PMM2: variants seen among roughly 807,000 people sequenced by gnomAD.
PMM2 encodes the protein phosphomannomutase 2, also known as mannose-6-phosphate isomerase.
Under a neutral mutation model 33.2 loss-of-function variants are expected in PMM2, and 35 were observed. That is an observed-to-expected ratio of 1.06 (90% CI 0.81 to 1.40). The LOEUF is 1.40. PMM2 is among the 40% of genes most tolerant of loss of function. The probability of loss-of-function intolerance (pLI) is 0.00; values close to 1 mark genes in which losing one functional copy is unlikely to be tolerated. For missense variants in PMM2, 386 were observed against 306.0 expected, an observed-to-expected ratio of 1.26 and a Z score of -1.95; for synonymous variants, 153 against 114.7, an observed-to-expected ratio of 1.33 and a Z score of -2.13.
intron 7 of PMM2, among the ~76,000 whole-genome samples, chr16:8,843,126 G>T (rs2060901254): frequency 6.6e-6 from 1 of 152,158 alleles, no homozygotes; most frequent in Admixed American, 6.5e-5. Flanking sequence ...TAATGTCTAA[G>T]TTGGCACCAG....
chr16:8,827,882 AATATATGATATATATG>A (rs1302792505), intron 7 of PMM2, among the ~76,000 whole-genome samples: 1 of 105,838 alleles, frequency 9.4e-6, no homozygotes, highest in Admixed American at 1.1e-4. Flanking sequence ...TATGTTATAT[AATATATGATATATATG>A]ATATATATTA....
At chr16:8,800,665 C>CTTTTTTTTTTTT (rs35148703) in intron 1 of PMM2, among the ~76,000 whole-genome samples, 1 of 126,642 alleles carries the variant, frequency 7.9e-6, no homozygotes. Flanking sequence ...TAAGCTTCTC[C>CTTTTTTTTTTTT]TTTTTTTTTT....
chr16:8,806,738 C>CTT (rs2060650552), intron 4 of PMM2: 1 of 348,512 alleles, frequency 2.9e-6, no homozygotes, highest in African/African-American at 2.1e-5. Flanking sequence ...AGAATGATTA[C>CTT]GTAAATGATG....
At chr16:8,832,446 C>T (rs1277625629) in intron 7 of PMM2, 1 of 985,296 alleles carries the variant, frequency 1.0e-6, no homozygotes, top group Non-Finnish European at 1.2e-6. Flanking sequence ...TCCACAGACA[C>T]CTCCCCACCA....
At chr16:8,840,860 A>T (rs926671593) in intron 7 of PMM2, among the ~76,000 whole-genome samples, 4 of 151,936 alleles carry the variant, frequency 2.6e-5, no homozygotes, top group African/African-American at 9.7e-5. Context: ...GTGTCTTCAT[A>T]TGGCTGGGGA....
At chr16:8,819,952 T>A (rs2060728645) in intron 7 of PMM2, among the ~76,000 whole-genome samples, 1 of 152,208 alleles carries the variant, frequency 6.6e-6, no homozygotes, top group African/African-American at 2.4e-5. Context: ...TCTAACATGC[T>A]ACCTGCCTTC....
In PMM2 at chr16:8,848,113, T is replaced by A; in HGVS notation, c.*288T>A. 1 of 410,754 alleles carries A rather than the reference T, an allele frequency of 2.4e-6. No homozygotes were observed. Among genetic ancestry groups the A allele is most frequent in the South Asian group, 2.3e-5 (1 of 42,572 alleles). 25.4% of individuals were successfully genotyped at this position (410,754 alleles called of 1,614,324 possible). A position where few individuals can be genotyped will look rare whatever the true frequency, so the allele number is the denominator to read the frequency against. On this transcript the variant is annotated 3_prime_UTR_variant, in exon 8 of 8. Transcript: ENST00000268261. ...ACCCACCCTGATACGTGCAATCATG[T>A]AGTTTTGGCGGAAATTTCCCCATCA...
rs762937296 is a variant in PMM2, at chr16:8,811,637, G to A, written c.448-1G>A. On this transcript the variant is annotated splice_acceptor_variant, in intron 5 of 7. Transcript: ENST00000268261. LOFTEE classifies it high-confidence loss of function. ...AATTGGTATCTTTTTGTTTTTCTCA[G>A]AAAGAAAATATAAGACAAAAGTTTG... 5.6e-6 allele frequency: 9 copies of A among 1,606,490 alleles called. No homozygotes were observed. The highest frequency in any genetic ancestry group is 1.1e-5 in the South Asian group (1 of 90,914).
At chr16:8,837,305 C>T (rs376333869) in intron 7 of PMM2, among the ~76,000 whole-genome samples, 4 of 151,898 alleles carry the variant, frequency 2.6e-5, no homozygotes, top group East Asian at 3.8e-4. Flanking sequence ...CTGAAAGTGC[C>T]GTTTTCTGGC....
intron 7 of PMM2, among the ~76,000 whole-genome samples, chr16:8,815,214 C>T (rs930169842): frequency 1.6e-5 from 2 of 128,594 alleles, no homozygotes; most frequent in Non-Finnish European, 3.4e-5. Context: ...ACTATATTTT[C>T]TTTCTTTTTT....
At position 8,842,879 on chromosome 16, in the gene PMM2, G is replaced by GT. The variant is rs201736012; in HGVS notation, c.640-4844dup. 8.5e-3 allele frequency among the ~76,000 whole-genome samples: 1,299 copies of GT among 152,246 alleles called. 16 individuals carry two copies. The highest frequency in any genetic ancestry group is 0.029 in the African/African-American group (1,193 of 41,522). On this transcript the variant is annotated intron_variant, in intron 7 of 7. Coordinates refer to ENST00000268261, the MANE Select transcript of PMM2 (RefSeq NM_000303.3). ...AGGGTGATTAGGTTTTAATGGGATG[G>GT]TAATGGGCATGTGATCAGTTGTCAG...
intron 4 of PMM2, chr16:8,808,199 C>G (rs1051595605): frequency 3.3e-5 from 5 of 152,284 alleles, no homozygotes; most frequent in African/African-American, 1.2e-4. Flanking sequence ...CTGCATGAGA[C>G]AGGCTGGACA....
chr16:8,839,902 A>G (rs1018943640), intron 7 of PMM2, among the ~76,000 whole-genome samples: 3 of 110,684 alleles, frequency 2.7e-5, no homozygotes, highest in African/African-American at 6.9e-5. Flanking sequence ...GGTTTTTTAA[A>G]TAAGTGTGAA....
intron 7 of PMM2, chr16:8,832,643 A>T (rs1009864571): frequency 1.0e-6 from 1 of 985,332 alleles, no homozygotes; most frequent in Middle Eastern, 5.2e-4. Flanking sequence ...GGAGCCTCCT[A>T]ACTGCTCCCT....
Position 8,847,753 on chromosome 16 carries a change from C to T in PMM2, c.669C>T (p.Asp223=), listed in dbSNP as rs104894531. 6.2e-7 allele frequency: 1 copy of T among 1,613,868 alleles called. No individual in the cohort carries two copies. The highest frequency in any genetic ancestry group is 1.1e-5 in the South Asian group (1 of 91,080). Reference sequence around the variant, plus strand: ...GCAATGACCATGAGATCTTCACAGACCCCAGAACCATGGGCTACTCCGTGA... The same window carrying T: ...GCAATGACCATGAGATCTTCACAGATCCCAGAACCATGGGCTACTCCGTGA... The part of the protein sequence containing the change: ...PGGNDHEIFT[D]PRTMGYSVTA... The change falls in exon 8 of 8, where the codon GAC becomes GAT. Residue 223 remains aspartate (D), a synonymous_variant. Transcript: ENST00000268261.
intron 7 of PMM2, among the ~76,000 whole-genome samples, chr16:8,840,395 C>G (rs143285586): frequency 0.015 from 2,304 of 151,868 alleles, 74 homozygotes; most frequent in African/African-American, 0.053. Flanking sequence ...ACAGTGTAAA[C>G]CGGCCGTGTA....
At chr16:8,806,267 T>C (rs2060647108) in intron 3 of PMM2, 49 bp from the exon 4 acceptor site, 1 of 1,266,532 alleles carries the variant, frequency 7.9e-7, no homozygotes. Flanking sequence ...GAAGCTGTTT[T>C]GAAAATGCTC....
intron 7 of PMM2, 169 bp from the exon 8 acceptor site, chr16:8,847,555 A>G (rs2060935421): frequency 1.6e-6 from 1 of 629,998 alleles, no homozygotes; most frequent in African/African-American, 1.8e-5. Flanking sequence ...CTTCTTAATA[A>G]CAATTGTACT....
At chr16:8,822,668 T>A (rs919038934) in intron 7 of PMM2, among the ~76,000 whole-genome samples, 2 of 152,148 alleles carry the variant, frequency 1.3e-5, no homozygotes, top group Non-Finnish European at 2.9e-5. Flanking sequence ...TAATACTTCA[T>A]ACTGTGGGAT....
Sources: gnomAD v4.1 joint callset for allele counts (sites outside exome capture counted in the v4.1 genomes callset) on GRCh38, gnomAD v4.1.1 for gene constraint, MANE v1.5 for transcripts, NCBI Gene and HGNC (gene_info 2026-07-23, HGNC 2026-07-21) for gene names.